The following SYNPR variants were observed in gnomAD, a reference collection of about 807,000 sequenced individuals.
The protein encoded by SYNPR is synaptoporin.
A neutral mutation model predicts 32.9 loss-of-function variants in SYNPR; 23 were observed. The observed-to-expected ratio is 0.70, with a 90% CI of 0.50 to 0.99. The LOEUF (loss-of-function observed/expected upper bound fraction) is 0.99. Among genes scored for constraint, SYNPR ranks in the 50% least tolerant of loss-of-function variants. The pLI is 0.00. For synonymous variants in SYNPR, 146 were observed against 135.9 expected (o/e 1.07, Z -0.52); for missense variants, 318 against 349.3 (o/e 0.91, Z 0.71).
intron 2 of SYNPR, among the ~76,000 whole-genome samples, chr3:63,408,855 T>C (rs935171485): frequency 2.6e-5 from 4 of 152,146 alleles, no homozygotes; most frequent in Non-Finnish European, 4.4e-5. Context: ...TATCTGGGAA[T>C]CCATTAATCC....
At chr3:63,224,002 T>C (rs1260048240), upstream of SYNPR, among the ~76,000 whole-genome samples, 2 of 152,336 alleles carry the variant, frequency 1.3e-5, no homozygotes, top group African/African-American at 2.4e-5. Context: ...TAAGATATAG[T>C]CCTTGCCCTT....
chr3:63,274,332 AC>A (rs1173018666), upstream of SYNPR, among the ~76,000 whole-genome samples: 1 of 152,116 alleles, frequency 6.6e-6, no homozygotes, highest in East Asian at 1.9e-4. Context: ...GTATAGTTTG[AC>A]TCAAGATTAA....
intron 2 of SYNPR, among the ~76,000 whole-genome samples, chr3:63,369,672 C>G (rs563121433): frequency 1.3e-5 from 2 of 152,332 alleles, no homozygotes; most frequent in African/African-American, 4.8e-5. Flanking sequence ...TGTCTCTTAA[C>G]AAACCACTAC....
chr3:63,433,186 G>A (rs911263532), intron 2 of SYNPR, among the ~76,000 whole-genome samples: 8 of 152,140 alleles, frequency 5.3e-5, no homozygotes, highest in Non-Finnish European at 1.0e-4. Flanking sequence ...AACAAGTGGC[G>A]CTACAGCCCC....
At chr3:63,448,504 C>A (rs941154678) in intron 2 of SYNPR, among the ~76,000 whole-genome samples, 13 of 152,186 alleles carry the variant, frequency 8.5e-5, no homozygotes, top group Non-Finnish European at 1.9e-4. Flanking sequence ...TGAACCCACA[C>A]ATCTTTATCT....
At chr3:63,238,817 T>C (rs1294024226) in intron 1 of SYNPR, among the ~76,000 whole-genome samples, 1 of 152,142 alleles carries the variant, frequency 6.6e-6, no homozygotes, top group African/African-American at 2.4e-5. Context: ...AGGATGTTAT[T>C]TCATAACAGT....
chr3:63,452,320 A>T (rs956321320), intron 2 of SYNPR, among the ~76,000 whole-genome samples: 1 of 152,308 alleles, frequency 6.6e-6, no homozygotes, highest in South Asian at 2.1e-4. Flanking sequence ...TGATTTAATT[A>T]TCATTATAGT....
In SYNPR at chr3:63,549,294, C is replaced by G. The variant is rs560929267; in HGVS notation, c.210-7249C>G. Reference sequence around the variant, plus strand: ...TATTCAGTACAGACTATCAGTCTACCGTTAGATGAGATGGCACGGGAAAGC... The same window carrying G: ...TATTCAGTACAGACTATCAGTCTACGGTTAGATGAGATGGCACGGGAAAGC... On this transcript the variant is annotated intron_variant, in intron 3 of 5. Transcript: ENST00000478300. Among the ~76,000 whole-genome samples, 9 of 152,212 alleles carry G rather than the reference C, an allele frequency of 5.9e-5. No homozygotes were observed. The East Asian group carries it at 1.4e-3, about 23-fold the overall frequency.
intron 3 of SYNPR, among the ~76,000 whole-genome samples, chr3:63,510,758 G>A (rs1234685002): frequency 1.3e-5 from 2 of 152,002 alleles, no homozygotes; most frequent in African/African-American, 4.8e-5. Flanking sequence ...TTAAACCTGT[G>A]ATCAGTAACA....
chr3:63,392,389 C>T (rs964949832), intron 2 of SYNPR, among the ~76,000 whole-genome samples: 11 of 152,298 alleles, frequency 7.2e-5, no homozygotes, highest in African/African-American at 1.7e-4. Context: ...TGACCATACA[C>T]GCAAAAGAAC....
At chr3:63,262,274 G>A (rs190592911) in intron 2 of SYNPR, among the ~76,000 whole-genome samples, 4 of 152,296 alleles carry the variant, frequency 2.6e-5, no homozygotes, top group African/African-American at 9.6e-5. Context: ...CAAATACAAA[G>A]TGATACATGA....
intron 3 of SYNPR, among the ~76,000 whole-genome samples, chr3:63,520,202 T>C (rs1559524643): frequency 6.6e-6 from 1 of 152,336 alleles, no homozygotes; most frequent in Admixed American, 6.5e-5. Flanking sequence ...AATAGGTAGC[T>C]TTTGTATTTT....
At chr3:63,588,789 T>C (rs913237240) in intron 4 of SYNPR, among the ~76,000 whole-genome samples, 1 of 151,910 alleles carries the variant, frequency 6.6e-6, no homozygotes, top group South Asian at 2.1e-4. Flanking sequence ...AAGGCAGGAG[T>C]ACTCTTCTAC....
chr3:63,467,836 T>C (rs1335024898), intron 2 of SYNPR, among the ~76,000 whole-genome samples: 3 of 152,164 alleles, frequency 2.0e-5, no homozygotes, highest in Admixed American at 2.0e-4. Flanking sequence ...GTTCCTGTTA[T>C]TGGAGAGAGA....
chr3:63,403,471 TAGAG>T (rs1433294256), intron 2 of SYNPR, among the ~76,000 whole-genome samples: 1 of 114,896 alleles, frequency 8.7e-6, no homozygotes, highest in African/African-American at 3.4e-5. Context: ...CACACACACA[TAGAG>T]AGAGAGGATG....
chr3:63,295,489 T>C (rs958264357), intron 2 of SYNPR, among the ~76,000 whole-genome samples: 5 of 152,112 alleles, frequency 3.3e-5, no homozygotes, highest in Admixed American at 3.3e-4. Context: ...GAAGAAAAAT[T>C]CCGAACCGCT....
At chr3:63,542,884 A>T (rs1369874198) in intron 3 of SYNPR, among the ~76,000 whole-genome samples, 1 of 152,116 alleles carries the variant, frequency 6.6e-6, no homozygotes, top group Non-Finnish European at 1.5e-5. Context: ...AAAAGTGGGC[A>T]TAAGTAAAAT....
At chr3:63,487,083 A>T (rs1420797469) in intron 3 of SYNPR, among the ~76,000 whole-genome samples, 5 of 152,174 alleles carry the variant, frequency 3.3e-5, no homozygotes, top group Admixed American at 1.3e-4. Context: ...AACTACAAAA[A>T]CTAGTTATAT....
chr3:63,598,561 A>G (rs934194951), intron 4 of SYNPR, among the ~76,000 whole-genome samples: 2 of 152,184 alleles, frequency 1.3e-5, no homozygotes, highest in Non-Finnish European at 2.9e-5. Context: ...TGAGATGAAT[A>G]GCTCAGAGTA....
Sources: gnomAD v4.1 joint callset for allele counts (sites outside exome capture counted in the v4.1 genomes callset) on GRCh38, gnomAD v4.1.1 for gene constraint, MANE v1.5 for transcripts, NCBI Gene and HGNC (gene_info 2026-07-23, HGNC 2026-07-21) for gene names.